The following MYO1E variants were observed in gnomAD, a reference collection of about 807,000 sequenced individuals.
The protein encoded by MYO1E is unconventional myosin-Ie.
A neutral mutation model predicts 151.1 loss-of-function variants in MYO1E; 68 were observed. That is an observed-to-expected ratio of 0.45 (90% confidence interval 0.37 to 0.55). MYO1E has a LOEUF of 0.55. MYO1E is among the 20% of genes least tolerant of loss of function. The pLI is 0.00. For missense variants in MYO1E, 1,363 were observed against 1,389.3 expected, an observed-to-expected ratio of 0.98 and a Z score of 0.30; for synonymous variants, 601 against 501.7, an observed-to-expected ratio of 1.20 and a Z score of -2.64.
chr15:59,326,645 A>G (rs1055157301), intron 1 of MYO1E, among the ~76,000 whole-genome samples: 3 of 152,198 alleles, frequency 2.0e-5, no homozygotes, highest in Non-Finnish European at 4.4e-5. Context: ...TTGAGCCTAA[A>G]TGTCTCCTAA....
intron 1 of MYO1E, among the ~76,000 whole-genome samples, chr15:59,338,205 C>T (rs571107646): frequency 1.3e-5 from 2 of 149,556 alleles, no homozygotes; most frequent in South Asian, 2.1e-4. Context: ...AATTTGGTAG[C>T]TGTCTCTACT....
At chr15:59,214,337 A>G (rs1470675882) in intron 11 of MYO1E, 23 bp from the exon 12 acceptor site, 1 of 1,521,904 alleles carries the variant, frequency 6.6e-7, no homozygotes, top group Non-Finnish European at 9.1e-7. Flanking sequence ...AGTTATTCAC[A>G]TGTAATTCTT....
chr15:59,365,156 A>T (rs1245784579), intron 1 of MYO1E, among the ~76,000 whole-genome samples: 2 of 151,314 alleles, frequency 1.3e-5, no homozygotes, highest in Non-Finnish European at 2.9e-5. Context: ...AGTAGCTGAG[A>T]TTACAGGTGC....
intron 1 of MYO1E, among the ~76,000 whole-genome samples, chr15:59,294,036 T>C (rs1054639058): frequency 1.3e-5 from 2 of 152,204 alleles, no homozygotes; most frequent in African/African-American, 4.8e-5. Flanking sequence ...AGCAAGACCC[T>C]GTCTCAAACA....
At chr15:59,326,274 C>T (rs1480741332) in intron 1 of MYO1E, among the ~76,000 whole-genome samples, 1 of 152,060 alleles carries the variant, frequency 6.6e-6, no homozygotes, top group Non-Finnish European at 1.5e-5. Flanking sequence ...AATTCCAGCA[C>T]TTTGGGAGGC....
At chr15:59,288,245 A>G (rs1288411516) in intron 1 of MYO1E, among the ~76,000 whole-genome samples, 3 of 152,150 alleles carry the variant, frequency 2.0e-5, no homozygotes, top group Non-Finnish European at 4.4e-5. Flanking sequence ...GTGTGATCAC[A>G]GCTCACTGCA....
At chr15:59,256,086 AAGTTTTAT>A (rs1195479885) in intron 4 of MYO1E, among the ~76,000 whole-genome samples, 190 bp downstream of exon 4, 1 of 152,210 alleles carries the variant, frequency 6.6e-6, no homozygotes, top group Admixed American at 6.5e-5. Context: ...GGAAGCTCAA[AAGTTTTAT>A]GATATGGAGC....
chr15:59,138,967 C>T (rs2079390884), intron 26 of MYO1E, among the ~76,000 whole-genome samples: 1 of 152,104 alleles, frequency 6.6e-6, no homozygotes, highest in Non-Finnish European at 1.5e-5. Flanking sequence ...AGCTATCGTT[C>T]CTTCACCCTT....
chr15:59,228,419 G>A (rs1232238424), intron 6 of MYO1E, among the ~76,000 whole-genome samples: 1 of 152,026 alleles, frequency 6.6e-6, no homozygotes, highest in Non-Finnish European at 1.5e-5. Context: ...GCAGTGAGCC[G>A]AGATCATGCC....
intron 4 of MYO1E, among the ~76,000 whole-genome samples, chr15:59,237,539 G>C (rs1303114280): frequency 3.9e-5 from 6 of 152,170 alleles, no homozygotes; most frequent in Non-Finnish European, 8.8e-5. Flanking sequence ...GGTACCCTTT[G>C]TGTTACCAGG....
intron 17 of MYO1E, among the ~76,000 whole-genome samples, chr15:59,194,861 C>G (rs544506220): frequency 1.6e-4 from 25 of 152,224 alleles, no homozygotes; most frequent in Non-Finnish European, 2.2e-4. Context: ...AACAGTGATG[C>G]AGGCTTCACT....
At chr15:59,291,272 T>C (rs2080417062) in intron 1 of MYO1E, among the ~76,000 whole-genome samples, 1 of 152,208 alleles carries the variant, frequency 6.6e-6, no homozygotes, top group Non-Finnish European at 1.5e-5. Context: ...TGCTGGTCTG[T>C]GACCCCTTCC....
intron 8 of MYO1E, 111 bp from the exon 9 acceptor site, chr15:59,223,302 G>T: frequency 3.4e-6 from 4 of 1,191,790 alleles, no homozygotes; most frequent in Non-Finnish European, 4.7e-6. Flanking sequence ...GACAAGTACA[G>T]ACGAGTTACA....
chr15:59,335,858 C>T (rs1276881785), intron 1 of MYO1E, among the ~76,000 whole-genome samples: 3 of 151,880 alleles, frequency 2.0e-5, no homozygotes, highest in Non-Finnish European at 2.9e-5. Flanking sequence ...CTGATTCATG[C>T]GGAGGAATGA....
At position 59,146,099 on chromosome 15, in the gene MYO1E, A is replaced by G. The variant is rs145875533; in HGVS notation, c.3080+7491T>C. On this transcript the variant is annotated intron_variant, in intron 26 of 27. Coordinates refer to ENST00000288235, the MANE Select transcript of MYO1E (RefSeq NM_004998.4). ...CAATGATATGATCATACCTCACTGC[A>G]GTCTTGAACCCCTGGACTTGGGCCA... is the stretch of plus-strand genomic sequence containing the variant. Among the ~76,000 whole-genome samples the G allele has an allele frequency of 1.0e-3, 156 of 152,310 alleles. 1 individual carries two copies. In the East Asian group the frequency reaches 0.025, roughly 24 times the overall value.
chr15:59,364,983 G>C (rs1239399825), intron 1 of MYO1E, among the ~76,000 whole-genome samples: 1 of 151,880 alleles, frequency 6.6e-6, no homozygotes, highest in Non-Finnish European at 1.5e-5. Context: ...AATAATTACT[G>C]TGTTAGGGTG....
intron 21 of MYO1E, among the ~76,000 whole-genome samples, chr15:59,172,536 G>A (rs2140316524): frequency 6.6e-6 from 1 of 152,254 alleles, no homozygotes; most frequent in Admixed American, 6.5e-5. Flanking sequence ...ATGATTATTA[G>A]GATGACATGT....
chr15:59,200,271 G>T (rs535376357), intron 16 of MYO1E, among the ~76,000 whole-genome samples: 1 of 152,232 alleles, frequency 6.6e-6, no homozygotes, highest in Non-Finnish European at 1.5e-5. Flanking sequence ...CTTATGACTC[G>T]ATTTTCCAGC....
intron 13 of MYO1E, among the ~76,000 whole-genome samples, chr15:59,209,675 A>G (rs2079865064): frequency 6.6e-6 from 1 of 152,042 alleles, no homozygotes; most frequent in Non-Finnish European, 1.5e-5. Context: ...GACGTCTCTC[A>G]AAATAAATAA....
Sources: gnomAD v4.1 joint callset for allele counts (sites outside exome capture counted in the v4.1 genomes callset) on GRCh38, gnomAD v4.1.1 for gene constraint, MANE v1.5 for transcripts, NCBI Gene and HGNC (gene_info 2026-07-23, HGNC 2026-07-21) for gene names.